NGF: variants seen among roughly 807,000 people sequenced by gnomAD.
The protein encoded by NGF is nerve growth factor.
Under a neutral mutation model 12.8 loss-of-function variants are expected in NGF, and 4 were observed. The observed-to-expected ratio is 0.31, with a 90% CI of 0.15 to 0.72. The LOEUF is 0.72. Ranked by LOEUF, NGF falls within the 30% of genes least tolerant of loss-of-function variation. NGF has a pLI of 0.69. For missense variants in NGF, 283 were observed against 330.8 expected, an observed-to-expected ratio of 0.86 and a Z score of 1.12; for synonymous variants, 140 against 130.0, an observed-to-expected ratio of 1.08 and a Z score of -0.52.
chr1:115,295,648 A>G (rs763849011), intron 1 of NGF, among the ~76,000 whole-genome samples: 2 of 152,160 alleles, frequency 1.3e-5, no homozygotes, highest in African/African-American at 2.4e-5. Flanking sequence ...TCTCCTGTAT[A>G]GAAGGAGATT....
chr1:115,321,232 G>T (rs1409081190), intron 1 of NGF, among the ~76,000 whole-genome samples: 1 of 152,116 alleles, frequency 6.6e-6, no homozygotes, highest in Non-Finnish European at 1.5e-5. Flanking sequence ...AACTATGTAT[G>T]GTTTTTTCCA....
At chr1:115,319,450 C>G (rs571234363) in intron 1 of NGF, among the ~76,000 whole-genome samples, 2 of 152,330 alleles carry the variant, frequency 1.3e-5, no homozygotes, top group Non-Finnish European at 2.9e-5. Flanking sequence ...TGTACACACA[C>G]AGTTTGGAAA....
chr1:115,314,201 C>T (rs954667829), intron 1 of NGF, among the ~76,000 whole-genome samples: 1 of 152,170 alleles, frequency 6.6e-6, no homozygotes, highest in African/African-American at 2.4e-5. Context: ...TGACACATGG[C>T]GTACCCTTCC....
intron 1 of NGF, among the ~76,000 whole-genome samples, chr1:115,319,388 C>G (rs1434390001): frequency 6.6e-6 from 1 of 152,116 alleles, no homozygotes; most frequent in Non-Finnish European, 1.5e-5. Flanking sequence ...CACACATAAG[C>G]ACACACACAT....
At chr1:115,322,371 C>T (rs1654653020) in intron 1 of NGF, among the ~76,000 whole-genome samples, 1 of 152,142 alleles carries the variant, frequency 6.6e-6, no homozygotes, top group Non-Finnish European at 1.5e-5. Flanking sequence ...GGGGCTGTTC[C>T]CTTTCTGTGC....
intron 1 of NGF, among the ~76,000 whole-genome samples, chr1:115,336,027 G>A (rs1047056623): frequency 2.0e-5 from 3 of 152,128 alleles, no homozygotes; most frequent in Non-Finnish European, 4.4e-5. Context: ...TCTTGTCCAA[G>A]GCACAGATTT....
At chr1:115,298,413 A>G (rs921456038) in intron 1 of NGF, among the ~76,000 whole-genome samples, 6 of 152,122 alleles carry the variant, frequency 3.9e-5, no homozygotes, top group Non-Finnish European at 7.4e-5. Flanking sequence ...CCGAGTAAGG[A>G]CTAACAGAGA....
At chr1:115,308,607 T>A (rs1019817380) in intron 1 of NGF, among the ~76,000 whole-genome samples, 2 of 152,234 alleles carry the variant, frequency 1.3e-5, no homozygotes, top group Non-Finnish European at 1.5e-5. Flanking sequence ...TGAGCAGTGT[T>A]CAATTCAGTA....
At chr1:115,306,797 G>A (rs1654215182) in intron 1 of NGF, among the ~76,000 whole-genome samples, 1 of 152,170 alleles carries the variant, frequency 6.6e-6, no homozygotes. Context: ...GCAAATTAGA[G>A]GAAGGCTCTT....
At chr1:115,297,423 A>G (rs185296502) in intron 1 of NGF, among the ~76,000 whole-genome samples, 83 of 152,254 alleles carry the variant, frequency 5.5e-4, no homozygotes, top group Non-Finnish European at 1.1e-3. Flanking sequence ...CTTCTGGACC[A>G]TACTCCTAGG....
At chr1:115,333,111 T>A (rs1654968263) in intron 1 of NGF, among the ~76,000 whole-genome samples, 1 of 152,178 alleles carries the variant, frequency 6.6e-6, no homozygotes, top group African/African-American at 2.4e-5. Flanking sequence ...GGGCAAGGGC[T>A]GAGCTCTTGA....
intron 1 of NGF, among the ~76,000 whole-genome samples, chr1:115,304,691 A>G (rs1319237452): frequency 6.6e-6 from 1 of 152,152 alleles, no homozygotes; most frequent in Non-Finnish European, 1.5e-5. Flanking sequence ...AGCCTCCAGA[A>G]GGAGGCACCC....
At chr1:115,291,121 T>C (rs1300624665) in intron 2 of NGF, among the ~76,000 whole-genome samples, 2 of 152,216 alleles carry the variant, frequency 1.3e-5, no homozygotes, top group Non-Finnish European at 2.9e-5. Flanking sequence ...GAATGTTTCA[T>C]TAAGACTTGA....
At chr1:115,337,776 C>A (rs555856020) in intron 1 of NGF, among the ~76,000 whole-genome samples, 5 of 152,282 alleles carry the variant, frequency 3.3e-5, no homozygotes, top group East Asian at 3.9e-4. Flanking sequence ...GCGCTCCCCC[C>A]GCGGTGCTGG....
At chr1:115,334,658 A>G (rs1387170979) in intron 1 of NGF, among the ~76,000 whole-genome samples, 1 of 152,186 alleles carries the variant, frequency 6.6e-6, no homozygotes, top group Non-Finnish European at 1.5e-5. Flanking sequence ...GGTAATTTCC[A>G]AAAGACTTCT....
At position 115,298,892 on chromosome 1, in the gene NGF, G is replaced by A. The variant is rs550621280; in HGVS notation, c.-136-5142C>T. 2.2e-4 allele frequency among the ~76,000 whole-genome samples: 34 copies of A among 152,130 alleles called. No homozygotes were observed. In the South Asian group the frequency reaches 6.8e-3, roughly 31 times the overall value. On this transcript the variant is annotated intron_variant, in intron 1 of 2. Coordinates refer to ENST00000369512, the MANE Select transcript of NGF (RefSeq NM_002506.3). ...TCTTAGATTAAGGATGTGTTGTTGA[G>A]GAAATAAGAATAGTTGTTGGTGTGA...
intron 2 of NGF, 88 bp from the exon 3 acceptor site, chr1:115,286,895 A>G (rs1198626165): frequency 1.3e-6 from 2 of 1,504,116 alleles, no homozygotes; most frequent in East Asian, 2.3e-5. Context: ...TTGACCTCCC[A>G]AGGGGATCAC....
chr1:115,320,568 G>A lies in NGF; in HGVS notation c.-137+17636C>T, dbSNP rs371805450. ...GCAGGTAGCCTAGAGAGCAGACAAA[G>A]GGATGATTCACGTTCCGGGCAGAAA... On this transcript the variant is annotated intron_variant, in intron 1 of 2. Coordinates refer to ENST00000369512, the MANE Select transcript of NGF (RefSeq NM_002506.3). 3.3e-4 allele frequency among the ~76,000 whole-genome samples: 50 copies of A among 152,264 alleles called. No homozygotes were observed. The South Asian group carries it at 9.9e-3, about 30-fold the overall frequency.
At chr1:115,289,136 C>T (rs546225376) in intron 2 of NGF, among the ~76,000 whole-genome samples, 3 of 152,304 alleles carry the variant, frequency 2.0e-5, no homozygotes, top group African/African-American at 7.2e-5. Flanking sequence ...AATGGTCTTG[C>T]AGATAAATGT....
Sources: allele counts gnomAD v4.1 joint callset (sites outside exome capture counted in the v4.1 genomes callset), GRCh38; gene constraint gnomAD v4.1.1; transcripts MANE v1.5; gene names NCBI Gene and HGNC (gene_info 2026-07-23, HGNC 2026-07-21).